The following AARSD1 variants were observed in gnomAD, a reference collection of about 807,000 sequenced individuals.
AARSD1 encodes alanyl-tRNA synthetase domain containing 1.
A neutral mutation model predicts 48.7 loss-of-function variants in AARSD1; 44 were observed. The observed-to-expected ratio is 0.90, with a 90% CI of 0.71 to 1.16. The LOEUF is 1.16. Ranked by LOEUF, AARSD1 falls within the 50% of genes most tolerant of loss-of-function variation. AARSD1 has a pLI of 0.00. For missense variants in AARSD1, 511 were observed against 523.1 expected, an observed-to-expected ratio of 0.98 and a Z score of 0.23; for synonymous variants, 189 against 194.9, an observed-to-expected ratio of 0.97 and a Z score of 0.25.
intron 3 of AARSD1, among the ~76,000 whole-genome samples, chr17:42,957,909 G>A (rs2049581034): frequency 6.6e-6 from 1 of 152,104 alleles, no homozygotes; most frequent in Admixed American, 6.6e-5. Context: ...AGAAAGAAGA[G>A]GAAGAGGAGG....
chr17:42,952,222 G>A, intron 10 of AARSD1: 2 of 330,062 alleles, frequency 6.1e-6, no homozygotes, highest in Non-Finnish European at 1.2e-5. Context: ...AAACCACCAG[G>A]TTTCCCTCTG....
chr17:42,963,243 G>A (rs1264022455), intron 2 of AARSD1, among the ~76,000 whole-genome samples: 1 of 150,474 alleles, frequency 6.6e-6, no homozygotes, highest in Non-Finnish European at 1.5e-5. Flanking sequence ...AGTATGCCTG[G>A]TTAATTTTTA....
rs756578561 is a variant in AARSD1, at chr17:42,964,372, A to C, written c.39+30T>G. The C allele has an allele frequency of 1.0e-5, 16 of 1,559,544 alleles. No homozygotes were observed. The African/African-American group carries it at 2.0e-4, about 20-fold the overall frequency. On this transcript the variant is annotated intron_variant, in intron 1 of 11. Transcript: ENST00000427569. ...CCCCAAACCGCCTTGCCGGCCCGGC[A>C]GTCTCAAGTGCCTCGCCGTGACGCC... is the stretch of plus-strand genomic sequence containing the variant.
Position 42,953,746 on chromosome 17 carries a change from A to G in AARSD1, c.986T>C (p.Ile329Thr). Residue 329 changes from isoleucine (I) to threonine (T), a missense_variant, in exon 10 of 12, where the codon ATT (isoleucine) becomes ACT (threonine). By Grantham distance (89) the Ile-to-Thr change is moderately conservative (BLOSUM62 -1). Coordinates refer to ENST00000427569, the MANE Select transcript of AARSD1 (RefSeq NM_001261434.2). ...KEGDSEFMNI[I>T]ANEIGSEETL... ...TACCTCTGACCCAATCTCATTGGCAATGATATTCATGAACTCTGAATCACC... is the reference window on the plus strand; with the variant it reads ...TACCTCTGACCCAATCTCATTGGCAGTGATATTCATGAACTCTGAATCACC... 6.2e-7 allele frequency: 1 copy of G among 1,614,138 alleles called. No individual in the cohort carries two copies. The highest frequency in any genetic ancestry group is 8.5e-7 in the Non-Finnish European group (1 of 1,180,012).
intron 2 of AARSD1, 73 bp from the exon 3 acceptor site, chr17:42,961,424 A>C: frequency 6.3e-7 from 1 of 1,597,640 alleles, no homozygotes; most frequent in East Asian, 2.2e-5. Context: ...AAGACCCTCT[A>C]GGGTGAGAGA....
chr17:42,951,995 C>A (rs1233704729), intron 10 of AARSD1, 101 bp from the exon 11 acceptor site: 11 of 1,313,032 alleles, frequency 8.4e-6, no homozygotes, highest in Non-Finnish European at 1.2e-5. Flanking sequence ...ATTATTTCCC[C>A]CTAAACCACC....
chr17:42,956,558 TC>T lies in AARSD1; in HGVS notation c.391del (p.Glu131SerfsTer2). The T allele has an allele frequency of 6.2e-7, 1 of 1,603,532 alleles. No individual in the cohort carries two copies. ...AATCGCACTCCGAAATCTCCCTAAC[TC>T]CCTGTCAGAAGTACAGTGGCCACAG... ...HLFKLKTTSW[E>X]LGRFRSAIEL... On this transcript the variant is annotated frameshift_variant and splice_region_variant, in exon 5 of 12. Coordinates refer to ENST00000427569, the MANE Select transcript of AARSD1 (RefSeq NM_001261434.2). LOFTEE classifies it high-confidence loss of function.
At chr17:42,959,997 G>A (rs544897306) in intron 3 of AARSD1, among the ~76,000 whole-genome samples, 114 of 152,124 alleles carry the variant, frequency 7.5e-4, no homozygotes, top group Non-Finnish European at 1.4e-3. Flanking sequence ...TCAGCTGGGC[G>A]CAGTGGCTCC....
At chr17:42,957,101 G>A (rs201088576) in intron 4 of AARSD1, 37 bp downstream of exon 4, 38 of 1,609,470 alleles carry the variant, frequency 2.4e-5, no homozygotes, top group African/African-American at 5.4e-5. Flanking sequence ...GTGCTGGGAT[G>A]GGCCTGCCTA....
intron 10 of AARSD1, among the ~76,000 whole-genome samples, chr17:42,953,125 G>A (rs369633134): frequency 3.3e-5 from 5 of 152,078 alleles, no homozygotes; most frequent in South Asian, 2.1e-4. Context: ...GATTACAGGC[G>A]CATGCCACCA....
chr17:42,955,845 A>C lies in AARSD1; in HGVS notation c.791T>G (p.Leu264Arg). ...HGTEKALTAL[L>R]KCGAEDHVEA... ...GAAGGTACTGAAACAGGCATACTTA[A>C]GCAGAGCAGTCAGTGCTTTTTCAGT... The change falls in exon 7 of 12, where the codon CTT (leucine) becomes CGT (arginine). Residue 264 changes from leucine to arginine, a missense_variant. Transcript: ENST00000427569. 6.2e-7 allele frequency: 1 copy of C among 1,614,124 alleles called. No homozygotes were observed. Among genetic ancestry groups the C allele is most frequent in the East Asian group, 2.2e-5 (1 of 44,886 alleles).
chr17:42,962,068 G>C (rs1329525074), intron 2 of AARSD1: 2 of 160,472 alleles, frequency 1.2e-5, no homozygotes, highest in South Asian at 2.7e-4. Flanking sequence ...TTGGAAGGCC[G>C]AGGTGGGCGG....
intron 4 of AARSD1, among the ~76,000 whole-genome samples, chr17:42,956,781 C>T (rs1348437680): frequency 6.8e-6 from 1 of 146,234 alleles, no homozygotes; most frequent in Non-Finnish European, 1.5e-5. Context: ...CATTCACCTG[C>T]CTCAGCCTCC....
In AARSD1 at chr17:42,960,950, G is replaced by A; in HGVS notation, c.331+242C>T. The A allele has an allele frequency of 1.1e-5, 6 of 527,794 alleles. No individual in the cohort carries two copies. In the South Asian group the frequency reaches 1.4e-4, roughly 12 times the overall value. The allele number at this position is 527,794 out of a possible 1,614,324, so 32.7% of individuals were successfully genotyped here. A position where few individuals can be genotyped will look rare whatever the true frequency, so the allele number is the denominator to read the frequency against. On this transcript the variant is annotated intron_variant, in intron 3 of 11. Coordinates refer to ENST00000427569, the MANE Select transcript of AARSD1 (RefSeq NM_001261434.2). The stretch of plus-strand genomic sequence containing the variant: ...AAAGGCTGTGAGACATCCAGATGGA[G>A]ATATCGAGTGGGAAGTTGATAATAC...
chr17:42,952,226 C>CTGCCTAAA, intron 10 of AARSD1: 1 of 330,722 alleles, frequency 3.0e-6, no homozygotes, highest in Non-Finnish European at 5.8e-6. Context: ...CACCAGGTTT[C>CTGCCTAAA]CCTCTGCCTG....
At position 42,960,497 on chromosome 17, in the gene AARSD1, C is replaced by T. The variant is rs188769476; in HGVS notation, c.331+695G>A. Among the ~76,000 whole-genome samples the T allele has an allele frequency of 8.9e-4, 135 of 151,288 alleles. 1 individual carries two copies. Among genetic ancestry groups the T allele is most frequent in the African/African-American group, 3.1e-3 (129 of 41,218 alleles). ...CTGTACTTTGCGGGGTCAAGGCAGG[C>T]GGATCATCTGAGGTCAGGAGTTCAA... On this transcript the variant is annotated intron_variant, in intron 3 of 11. Transcript: ENST00000427569.
At chr17:42,953,895 T>C in intron 9 of AARSD1, 117 bp from the exon 10 acceptor site, 1 of 1,316,502 alleles carries the variant, frequency 7.6e-7, no homozygotes, top group Non-Finnish European at 1.1e-6. Context: ...TAAAGTCCCA[T>C]ATCCCTTAGC....
chr17:42,958,524 TA>T (rs2049588524), intron 3 of AARSD1, among the ~76,000 whole-genome samples: 1 of 151,750 alleles, frequency 6.6e-6, no homozygotes, highest in Non-Finnish European at 1.5e-5. Context: ...TAAAATTAAA[TA>T]AAATTTATTT....
intron 4 of AARSD1, 140 bp from the exon 5 acceptor site, chr17:42,956,700 C>T: frequency 9.7e-7 from 1 of 1,027,016 alleles, no homozygotes; most frequent in Admixed American, 4.6e-5. Flanking sequence ...CGGAGTCTCG[C>T]TCTGTCGCCC....
Sources: gnomAD v4.1 joint callset for allele counts (sites outside exome capture counted in the v4.1 genomes callset) on GRCh38, gnomAD v4.1.1 for gene constraint, MANE v1.5 for transcripts, NCBI Gene and HGNC (gene_info 2026-07-23, HGNC 2026-07-21) for gene names.